CRYL1: variants seen among roughly 807,000 people sequenced by gnomAD.
CRYL1 encodes the protein crystallin lambda 1, also known as lambda-crystallin homolog.
A neutral mutation model predicts 36.6 loss-of-function variants in CRYL1; 29 were observed. The observed-to-expected ratio is 0.79, with a 90% confidence interval of 0.59 to 1.08. CRYL1 has a LOEUF of 1.08. Ranked by LOEUF, CRYL1 falls within the 50% of genes least tolerant of loss-of-function variation. CRYL1 has a pLI of 0.00. For synonymous variants in CRYL1, 152 were observed against 151.5 expected, an observed-to-expected ratio of 1.00 and a Z score of -0.02; for missense variants, 411 against 407.9, an observed-to-expected ratio of 1.01 and a Z score of -0.06.
intron 3 of CRYL1, among the ~76,000 whole-genome samples, chr13:20,458,942 C>T (rs1277927358): frequency 2.0e-5 from 3 of 152,168 alleles, no homozygotes; most frequent in South Asian, 2.1e-4. Context: ...TTATACACTG[C>T]TGGTGGTAAT....
intron 2 of CRYL1, among the ~76,000 whole-genome samples, chr13:20,506,855 G>A (rs1194922587): frequency 2.6e-5 from 4 of 152,204 alleles, no homozygotes; most frequent in Non-Finnish European, 5.9e-5. Context: ...ATAAGGATGT[G>A]ATATGGTTTG....
chr13:20,448,523 C>T (rs2032501942), intron 3 of CRYL1, among the ~76,000 whole-genome samples: 1 of 152,110 alleles, frequency 6.6e-6, no homozygotes. Flanking sequence ...ATTCAAATTG[C>T]TGAAAACAGA....
At chr13:20,432,074 G>A (rs2032074082) in intron 5 of CRYL1, 28 bp downstream of exon 5, 1 of 1,613,990 alleles carries the variant, frequency 6.2e-7, no homozygotes, top group Non-Finnish European at 8.5e-7. Flanking sequence ...AAGGAAGGGA[G>A]GGAGGGAGAG....
At chr13:20,520,494 GCA>G (rs2034073670) in intron 1 of CRYL1, among the ~76,000 whole-genome samples, 1 of 152,112 alleles carries the variant, frequency 6.6e-6, no homozygotes, top group Non-Finnish European at 1.5e-5. Context: ...CCTTGGAATC[GCA>G]ATTATCTGAC....
chr13:20,409,440 C>A (rs529958874), intron 6 of CRYL1, among the ~76,000 whole-genome samples: 105 of 152,130 alleles, frequency 6.9e-4, no homozygotes, highest in African/African-American at 2.3e-3. Context: ...TAGAAGAAAA[C>A]CTAGGCATTA....
Position 20,415,381 on chromosome 13 carries a change from C to T in CRYL1, c.634-1994G>A, listed in dbSNP as rs1455845630. Among the ~76,000 whole-genome samples, 1 of 152,100 alleles carries T rather than the reference C, an allele frequency of 6.6e-6. No homozygotes were observed. Among genetic ancestry groups the T allele is most frequent in the Non-Finnish European group, 1.5e-5 (1 of 67,982 alleles). ...GGGGTTCGAAACCCCCGCCGTGCCC[C>T]GCAACCGGCTGCGGCGGGCGACAGC... On this transcript the variant is annotated intron_variant, in intron 5 of 7. Transcript: ENST00000298248. The surrounding 1 kb of genome is among the most constrained non-coding windows in gnomAD (Gnocchi z 4.1).
chr13:20,439,388 CTG>C (rs1308935456), intron 4 of CRYL1, among the ~76,000 whole-genome samples: 1 of 151,494 alleles, frequency 6.6e-6, no homozygotes, highest in Non-Finnish European at 1.5e-5. Flanking sequence ...TTGTGCAACT[CTG>C]AATACAATAA....
chr13:20,461,419 C>T (rs9552188), intron 3 of CRYL1, among the ~76,000 whole-genome samples: 147,392 of 152,308 alleles, frequency 0.97, 71,477 homozygotes, highest in East Asian at 1. Flanking sequence ...TCTTAGATGT[C>T]TTCTTATTTA....
At chr13:20,463,821 G>T (rs2032879593) in intron 3 of CRYL1, among the ~76,000 whole-genome samples, 1 of 152,160 alleles carries the variant, frequency 6.6e-6, no homozygotes, top group Non-Finnish European at 1.5e-5. Flanking sequence ...TGGACAATAT[G>T]ACATTATTCG....
rs1325188371 is a variant in CRYL1 at position 20,470,918 on chromosome 13, A to AC, written c.276+18451_276+18452insG. ...AGAGCAAAACTCCATCTCAAAAAAA[A>AC]AAAAAAAACAAAAAAAAAAACCCAT... On this transcript the variant is annotated intron_variant, in intron 3 of 7. Transcript: ENST00000298248. Among the ~76,000 whole-genome samples, 40 of 150,324 alleles carry AC rather than the reference A, an allele frequency of 2.7e-4. 1 individual carries two copies. Among genetic ancestry groups the AC allele is most frequent in the African/African-American group, 7.7e-4 (31 of 40,428 alleles).
At chr13:20,522,910 A>ACT (rs2034121894) in intron 1 of CRYL1, among the ~76,000 whole-genome samples, 1 of 58,192 alleles carries the variant, frequency 1.7e-5, no homozygotes. Flanking sequence ...ACCCATTTCT[A>ACT]CTTTTTTTTT....
chr13:20,421,564 A>C (rs1258054367), intron 5 of CRYL1, among the ~76,000 whole-genome samples: 1 of 152,130 alleles, frequency 6.6e-6, no homozygotes, highest in Non-Finnish European at 1.5e-5. Flanking sequence ...GGCTCCCACA[A>C]GGGAAGAGGG....
chr13:20,461,485 T>C lies in CRYL1; in HGVS notation c.277-21731A>G, dbSNP rs115786689. ...CTTTTATATGTAGTATGAAGTAAAA[T>C]TTATTAATCTTTATTAAAAAGACCT... On this transcript the variant is annotated intron_variant, in intron 3 of 7. Transcript: ENST00000298248. Among the ~76,000 whole-genome samples, 236 of 152,290 alleles carry C rather than the reference T, an allele frequency of 1.5e-3. 2 individuals are homozygous for C. Among genetic ancestry groups the C allele is most frequent in the African/African-American group, 5.5e-3 (227 of 41,554 alleles).
At chr13:20,454,163 C>T (rs1280257608) in intron 3 of CRYL1, among the ~76,000 whole-genome samples, 2 of 151,852 alleles carry the variant, frequency 1.3e-5, no homozygotes, top group East Asian at 3.8e-4. Flanking sequence ...ACCGTAATAT[C>T]AAAATATTAG....
intron 3 of CRYL1, among the ~76,000 whole-genome samples, chr13:20,450,172 A>T (rs1283328523): frequency 6.6e-6 from 1 of 152,218 alleles, no homozygotes; most frequent in Non-Finnish European, 1.5e-5. Flanking sequence ...AAGGCATCAT[A>T]TTATCTGACT....
chr13:20,486,269 G>A (rs2033397744), intron 3 of CRYL1, among the ~76,000 whole-genome samples: 1 of 152,120 alleles, frequency 6.6e-6, no homozygotes, highest in Admixed American at 6.5e-5. Context: ...TTCTCTTCGT[G>A]TACTCCTCTA....
intron 3 of CRYL1, among the ~76,000 whole-genome samples, chr13:20,486,915 G>A (rs115988501): frequency 0.033 from 4,988 of 152,142 alleles, 250 homozygotes; most frequent in African/African-American, 0.11. Flanking sequence ...CTATGTAAGT[G>A]CTTTACATGC....
intron 3 of CRYL1, among the ~76,000 whole-genome samples, chr13:20,488,723 T>G (rs1403824784): frequency 6.6e-6 from 1 of 152,232 alleles, no homozygotes; most frequent in African/African-American, 2.4e-5. Context: ...AAGTGCAGCC[T>G]TTGAAAAGAC....
Position 20,404,066 on chromosome 13 carries a change from G to T in CRYL1, c.*63C>A. 1.7e-6 allele frequency: 2 copies of T among 1,151,014 alleles called. No homozygotes were observed. Among genetic ancestry groups the T allele is most frequent in the Non-Finnish European group, 2.6e-6 (2 of 764,356 alleles). The allele number at this position is 1,151,014 out of a possible 1,614,324, so 71.3% of individuals were successfully genotyped here. The stretch of plus-strand genomic sequence containing the variant: ...ACCTATGTCACAGAGGGCTGATTAA[G>T]GGCTTGCAGTGTTCCCAAATAGGGC... On this transcript the variant is annotated 3_prime_UTR_variant, in exon 8 of 8. Coordinates refer to ENST00000298248, the MANE Select transcript of CRYL1 (RefSeq NM_015974.3).
Sources: allele counts gnomAD v4.1 joint callset (sites outside exome capture counted in the v4.1 genomes callset), GRCh38; gene constraint gnomAD v4.1.1; non-coding constraint Gnocchi (gnomAD v3.1); transcripts MANE v1.5; gene names NCBI Gene and HGNC (gene_info 2026-07-23, HGNC 2026-07-21).